The following SRBD1 variants were observed in gnomAD, a reference collection of about 807,000 sequenced individuals.
SRBD1 encodes the protein S1 RNA binding domain 1, also known as S1 RNA-binding domain-containing protein 1.
A neutral mutation model predicts 115.3 loss-of-function variants in SRBD1; 88 were observed. That is an observed-to-expected ratio of 0.76 (90% CI 0.64 to 0.91). The LOEUF is 0.91. Ranked by LOEUF, SRBD1 falls within the 40% of genes least tolerant of loss-of-function variation. SRBD1 has a pLI of 0.00. For synonymous variants in SRBD1, 509 were observed against 407.7 expected, an observed-to-expected ratio of 1.25 and a Z score of -2.99; for missense variants, 1,385 against 1,177.4, an observed-to-expected ratio of 1.18 and a Z score of -2.58.
intron 15 of SRBD1, among the ~76,000 whole-genome samples, chr2:45,482,484 T>C (rs58025163): frequency 1.3e-5 from 2 of 151,836 alleles, no homozygotes; most frequent in African/African-American, 4.8e-5. Flanking sequence ...GAGATGCTGG[T>C]GAAAGGGTAC....
chr2:45,411,785 G>A (rs1397273080), intron 19 of SRBD1, among the ~76,000 whole-genome samples: 1 of 152,208 alleles, frequency 6.6e-6, no homozygotes, highest in Non-Finnish European at 1.5e-5. Context: ...GTGTACCAAT[G>A]TCTGTCTGCA....
intron 6 of SRBD1, among the ~76,000 whole-genome samples, chr2:45,581,082 G>A (rs915657583): frequency 6.6e-6 from 1 of 152,034 alleles, no homozygotes; most frequent in Non-Finnish European, 1.5e-5. Context: ...AATCCATGAT[G>A]ATCTCCTAAT....
chr2:45,434,966 T>C (rs1668446667), intron 16 of SRBD1, among the ~76,000 whole-genome samples: 1 of 146,430 alleles, frequency 6.8e-6, no homozygotes, highest in Non-Finnish European at 1.5e-5. Context: ...TTCCCCGCCC[T>C]GTGTCCACGT....
chr2:45,495,775 T>C (rs1281430179), intron 14 of SRBD1, among the ~76,000 whole-genome samples: 1 of 152,172 alleles, frequency 6.6e-6, no homozygotes, highest in African/African-American at 2.4e-5. Flanking sequence ...TTTGCAACAG[T>C]ACTATAAACA....
chr2:45,432,332 A>G (rs974925739), intron 16 of SRBD1, among the ~76,000 whole-genome samples: 1 of 152,136 alleles, frequency 6.6e-6, no homozygotes, highest in African/African-American at 2.4e-5. Context: ...CCTGGCCAAC[A>G]CTATTTTCTA....
chr2:45,546,880 A>G (rs930257139), intron 13 of SRBD1, 41 bp from the exon 14 acceptor site: 1 of 1,569,880 alleles, frequency 6.4e-7, no homozygotes, highest in East Asian at 2.2e-5. Context: ...ATTTCAAGGC[A>G]TGCTTTGAAA....
intron 2 of SRBD1, among the ~76,000 whole-genome samples, chr2:45,604,944 C>T (rs1674218881): frequency 6.6e-6 from 1 of 152,132 alleles, no homozygotes; most frequent in African/African-American, 2.4e-5. Flanking sequence ...TATAACTTAG[C>T]AGGAAGCTAT....
At chr2:45,398,383 CAA>C (rs1456705317) in intron 19 of SRBD1, among the ~76,000 whole-genome samples, 2 of 151,930 alleles carry the variant, frequency 1.3e-5, no homozygotes, top group African/African-American at 2.4e-5. Flanking sequence ...AAAGAAATGA[CAA>C]GAGAAAGATT....
chr2:45,401,807 T>C (rs1356959969), intron 19 of SRBD1, among the ~76,000 whole-genome samples: 1 of 152,194 alleles, frequency 6.6e-6, no homozygotes, highest in Non-Finnish European at 1.5e-5. Flanking sequence ...GTGAAAACTC[T>C]GAATATCAAA....
intron 14 of SRBD1, chr2:45,546,337 G>T (rs1215259510): frequency 1.0e-6 from 1 of 985,250 alleles, no homozygotes; most frequent in African/African-American, 1.7e-5. Flanking sequence ...AGTTCTGAAG[G>T]GTAATGATTC....
intron 14 of SRBD1, among the ~76,000 whole-genome samples, chr2:45,523,550 A>G (rs1209576984): frequency 2.0e-5 from 3 of 151,934 alleles, no homozygotes; most frequent in Non-Finnish European, 4.4e-5. Flanking sequence ...AAAAATTATT[A>G]TAAGAACAAC....
At chr2:45,475,696 T>C (rs555979624) in intron 16 of SRBD1, among the ~76,000 whole-genome samples, 48 of 152,322 alleles carry the variant, frequency 3.2e-4, no homozygotes, top group African/African-American at 9.9e-4. Context: ...AAAACTGTTA[T>C]AGCTGTACTT....
At chr2:45,476,860 T>C in intron 16 of SRBD1, 133 bp downstream of exon 16, 1 of 719,198 alleles carries the variant, frequency 1.4e-6, no homozygotes, top group Admixed American at 2.8e-5. Flanking sequence ...GACTTAAAAC[T>C]CCTACTTTCC....
intron 18 of SRBD1, 100 bp from the exon 19 acceptor site, chr2:45,413,393 C>T (rs996539395): frequency 4.6e-5 from 62 of 1,339,826 alleles, no homozygotes; most frequent in Non-Finnish European, 5.7e-5. Flanking sequence ...TACAAATATG[C>T]GAAAACAGCA....
At chr2:45,457,269 A>T (rs543322575) in intron 16 of SRBD1, among the ~76,000 whole-genome samples, 1 of 152,000 alleles carries the variant, frequency 6.6e-6, no homozygotes, top group Non-Finnish European at 1.5e-5. Context: ...AGCTAAAATT[A>T]AAAATACCAT....
At chr2:45,483,369 T>C (rs1572689884) in intron 15 of SRBD1, among the ~76,000 whole-genome samples, 1 of 152,018 alleles carries the variant, frequency 6.6e-6, no homozygotes, top group East Asian at 1.9e-4. Context: ...TGAGTAAAGA[T>C]TACCATCCTA....
Position 45,588,330 on chromosome 2 carries a change from C to T in SRBD1, c.649-2556G>A, listed in dbSNP as rs78021800. On this transcript the variant is annotated intron_variant, in intron 4 of 20. Transcript: ENST00000263736. ...CATTAGATGCCAGCCCAATAGCCTT[C>T]TCTCAGTTCCTAGAACAAGGCCAGT... is the stretch of plus-strand genomic sequence containing the variant. 2.3e-4 allele frequency among the ~76,000 whole-genome samples: 35 copies of T among 152,360 alleles called. 1 individual carries two copies. In the East Asian group the frequency reaches 6.7e-3, roughly 29 times the overall value.
At chr2:45,477,272 T>C (rs1354789000) in intron 15 of SRBD1, among the ~76,000 whole-genome samples, 197 bp from the exon 16 acceptor site, 1 of 152,176 alleles carries the variant, frequency 6.6e-6, no homozygotes, top group East Asian at 1.9e-4. Context: ...TCATGAATTA[T>C]GTCATCAGAA....
chr2:45,391,469 G>A (rs1328002332), intron 20 of SRBD1, among the ~76,000 whole-genome samples: 2 of 152,134 alleles, frequency 1.3e-5, no homozygotes, highest in Non-Finnish European at 2.9e-5. Context: ...ATCATCACGT[G>A]GAAATGCCCA....
Sources: gnomAD v4.1 joint callset for allele counts (sites outside exome capture counted in the v4.1 genomes callset) on GRCh38, gnomAD v4.1.1 for gene constraint, MANE v1.5 for transcripts, NCBI Gene and HGNC (gene_info 2026-07-23, HGNC 2026-07-21) for gene names.